C11orf16: variants seen among roughly 807,000 people sequenced by gnomAD.
The protein encoded by C11orf16 is uncharacterized protein C11orf16.
Under a neutral mutation model 45.1 loss-of-function variants are expected in C11orf16, and 38 were observed. The observed-to-expected ratio is 0.84, with a 90% CI of 0.65 to 1.10. C11orf16 has a LOEUF of 1.10. Ranked by LOEUF, C11orf16 falls within the 50% of genes least tolerant of loss-of-function variation. The pLI, the probability that C11orf16 is intolerant of heterozygous loss-of-function variation, is 0.00. For missense variants in C11orf16, 583 were observed against 569.5 expected (o/e 1.02, Z -0.24); for synonymous variants, 221 against 222.0 (o/e 1.00, Z 0.04).
chr11:8,929,222 C>T (rs1238702311), intron 3 of C11orf16, 155 bp downstream of exon 3: 19 of 759,162 alleles, frequency 2.5e-5, no homozygotes, highest in Non-Finnish European at 3.1e-5. Flanking sequence ...CTAATACACT[C>T]AATGGTATTA....
chr11:8,932,372 C>T, intron 1 of C11orf16, 46 bp from the exon 2 acceptor site: 1 of 1,475,246 alleles, frequency 6.8e-7, no homozygotes, highest in Non-Finnish European at 9.0e-7. Context: ...TTGAAGCAAG[C>T]AGTGGCCACC....
intron 5 of C11orf16, among the ~76,000 whole-genome samples, chr11:8,922,466 A>G (rs2064581802): frequency 6.6e-6 from 1 of 152,208 alleles, no homozygotes; most frequent in Admixed American, 6.5e-5. Context: ...AATGCTTTTT[A>G]CGTTTCTTTT....
rs2134833541 is a variant in C11orf16 at position 8,925,494 on chromosome 11, T to A, written c.1173A>T (p.Arg391Ser). 2 of 1,614,110 alleles carry A rather than the reference T, an allele frequency of 1.2e-6. No individual in the cohort carries two copies. ...TCCCAAGGCATGGCTCAGGCCCGTT[T>A]CTCTTCCAATACCTCCACTCAGGCT... ...LCQPEWRYWKRNGPEPCLGKP... is the reference protein window; with the variant it reads ...LCQPEWRYWKSNGPEPCLGKP... Residue 391 changes from arginine to serine, a missense_variant, in exon 5 of 7, where the codon AGA (arginine) becomes AGT (serine). Arg to Ser is a moderately radical substitution (Grantham distance 110, BLOSUM62 -1). Transcript: ENST00000326053.
At chr11:8,928,614 C>T (rs894155340) in intron 3 of C11orf16, among the ~76,000 whole-genome samples, 3 of 152,310 alleles carry the variant, frequency 2.0e-5, no homozygotes, top group Non-Finnish European at 2.9e-5. Context: ...GATCTTCCTG[C>T]CTGAGCCTCC....
chr11:8,921,308 C>T lies in C11orf16; in HGVS notation c.*8G>A. 6.2e-7 allele frequency: 1 copy of T among 1,614,014 alleles called. No homozygotes were observed. The highest frequency in any genetic ancestry group is 8.5e-7 in the Non-Finnish European group (1 of 1,179,906). ...TTCTGCTTTACCTAGATCCTCAGGG[C>T]TCTTAGTCTAACGGGAATTCTTGTT... On this transcript the variant is annotated 3_prime_UTR_variant, in exon 6 of 7. Coordinates refer to ENST00000326053, the MANE Select transcript of C11orf16 (RefSeq NM_020643.3).
intron 1 of C11orf16, 76 bp from the exon 2 acceptor site, chr11:8,932,402 C>G: frequency 7.9e-7 from 1 of 1,271,330 alleles, no homozygotes; most frequent in South Asian, 1.6e-5. Context: ...CAGGGCTCAG[C>G]TCTGCAGTTA....
At position 8,921,481 on chromosome 11, in the gene C11orf16, C is replaced by T; in HGVS notation, c.1239G>A (p.Lys413=). Residue 413 remains lysine (K), a synonymous_variant, in exon 6 of 7, where the codon AAG becomes AAA. Transcript: ENST00000326053. ...TRYSNICKEE[K]DHKQQRAQTA... The stretch of plus-strand genomic sequence containing the variant: ...TTTGTGCTCTCTGCTGTTTGTGATC[C>T]TTTTCTTCTTTGCAGATGTTGGAAT... The T allele has an allele frequency of 1.9e-6, 3 of 1,614,180 alleles. No individual in the cohort carries two copies. Among genetic ancestry groups the T allele is most frequent in the Non-Finnish European group, 2.5e-6 (3 of 1,180,036 alleles).
chr11:8,929,278 A>G, intron 3 of C11orf16, 99 bp downstream of exon 3: 1 of 1,325,272 alleles, frequency 7.5e-7, no homozygotes, highest in Non-Finnish European at 1.0e-6. Context: ...GTGCTTATGC[A>G]AGAAACCAGC....
chr11:8,926,184 T>TA, intron 4 of C11orf16, 77 bp from the exon 5 acceptor site: 81 of 1,167,596 alleles, frequency 6.9e-5, no homozygotes, highest in Non-Finnish European at 9.1e-5. Flanking sequence ...TTTTTTCTTT[T>TA]CTTTTTTTTT....
chr11:8,922,592 C>T (rs1354752711), intron 5 of C11orf16, among the ~76,000 whole-genome samples: 3 of 152,190 alleles, frequency 2.0e-5, no homozygotes, highest in African/African-American at 7.2e-5. Flanking sequence ...CTCTCACTGC[C>T]TGTAACTGAA....
chr11:8,932,541 G>A (rs2134841744), intron 1 of C11orf16, among the ~76,000 whole-genome samples: 1 of 152,308 alleles, frequency 6.6e-6, no homozygotes, highest in South Asian at 2.1e-4. Context: ...GGAAGAGCAA[G>A]TGCTGTGAGT....
rs940875415 is a variant in C11orf16, at chr11:8,920,342, G to T, written c.*131C>A. On this transcript the variant is annotated 3_prime_UTR_variant, in exon 7 of 7. Transcript: ENST00000326053. Reference sequence around the variant, plus strand: ...TCTTCGTGGGGTGGAGATACTGGTGGTTATTTGACTGTTACCTGTGGCCTG... The same window carrying T: ...TCTTCGTGGGGTGGAGATACTGGTGTTTATTTGACTGTTACCTGTGGCCTG... The T allele has an allele frequency of 9.0e-5, 52 of 575,992 alleles. No individual in the cohort carries two copies. The South Asian group carries it at 1.1e-3, about 12-fold the overall frequency. 35.7% of individuals were successfully genotyped at this position (575,992 alleles called of 1,614,324 possible). A position where few individuals can be genotyped will look rare whatever the true frequency, so the allele number is the denominator to read the frequency against.
chr11:8,931,536 C>T (rs906563998), intron 2 of C11orf16, among the ~76,000 whole-genome samples: 3 of 152,296 alleles, frequency 2.0e-5, no homozygotes, highest in Non-Finnish European at 4.4e-5. Context: ...ATTACAGTCA[C>T]CCGCCACCAT....
At chr11:8,926,180 C>CT (rs2064611553) in intron 4 of C11orf16, 73 bp from the exon 5 acceptor site, 31 of 987,846 alleles carry the variant, frequency 3.1e-5, no homozygotes, top group Admixed American at 1.8e-4. Flanking sequence ...TTCTTTTTTT[C>CT]TTTTCTTTTT....
Position 8,927,191 on chromosome 11 carries a change from A to G in C11orf16, c.325-17T>C. On this transcript the variant is annotated splice_polypyrimidine_tract_variant and intron_variant, in intron 3 of 6. Coordinates refer to ENST00000326053, the MANE Select transcript of C11orf16 (RefSeq NM_020643.3). The stretch of plus-strand genomic sequence containing the variant: ...TCTCTCCAGCTGTGGGAAAGAAAAC[A>G]CTCAGAATAAGACCTGGCATTACAA... 6.3e-7 allele frequency: 1 copy of G among 1,595,164 alleles called. No homozygotes were observed. Among genetic ancestry groups the G allele is most frequent in the Non-Finnish European group, 8.6e-7 (1 of 1,165,286 alleles).
At chr11:8,927,685 T>C (rs1042850169) in intron 3 of C11orf16, 1 of 456,374 alleles carries the variant, frequency 2.2e-6, no homozygotes, top group Non-Finnish European at 4.4e-6. Context: ...GCACTGCCCT[T>C]GCAGTCAACG....
At chr11:8,931,316 C>T (rs952740345) in intron 2 of C11orf16, among the ~76,000 whole-genome samples, 2 of 152,024 alleles carry the variant, frequency 1.3e-5, no homozygotes, top group Admixed American at 1.3e-4. Flanking sequence ...CTCTGCCTCC[C>T]GAGTTCAAGC....
chr11:8,920,811 G>A (rs2064566804), intron 6 of C11orf16, among the ~76,000 whole-genome samples: 1 of 152,154 alleles, frequency 6.6e-6, no homozygotes, highest in Non-Finnish European at 1.5e-5. Flanking sequence ...CTGAGTGACA[G>A]AGTGAGATCC....
chr11:8,929,492 G>A lies in C11orf16; in HGVS notation c.209C>T (p.Ala70Val), dbSNP rs921301807. The A allele has an allele frequency of 3.1e-6, 5 of 1,613,972 alleles. No individual in the cohort carries two copies. The highest frequency in any genetic ancestry group is 4.2e-6 in the Non-Finnish European group (5 of 1,180,014). Residue 70 changes from alanine (A) to valine (V), a missense_variant, in exon 3 of 7, where the codon GCA becomes GTA. By Grantham distance (64) the Ala-to-Val change is moderately conservative. Coordinates refer to ENST00000326053, the MANE Select transcript of C11orf16 (RefSeq NM_020643.3). The stretch of plus-strand genomic sequence containing the variant: ...TCCCAGCCAGCCAGGCCCCTGCCAT[G>A]CTGGGTCGGCAACGTGGAGACATGG... The part of the protein sequence containing the change: ...SCPCLHVADP[A>V]WQGPGWLGRA...
Sources: gnomAD v4.1 joint callset for allele counts (sites outside exome capture counted in the v4.1 genomes callset) on GRCh38, gnomAD v4.1.1 for gene constraint, MANE v1.5 for transcripts, NCBI Gene and HGNC (gene_info 2026-07-23, HGNC 2026-07-21) for gene names.